SLC17A5: variants seen among roughly 807,000 people sequenced by gnomAD.
SLC17A5 encodes the protein solute carrier family 17 member 5, also known as sialin.
Under a neutral mutation model 59.4 loss-of-function variants are expected in SLC17A5, and 47 were observed. The observed-to-expected ratio is 0.79, with a 90% CI of 0.63 to 1.01. SLC17A5 has a LOEUF of 1.01. Among genes scored for constraint, SLC17A5 ranks in the 50% least tolerant of loss-of-function variants. The pLI is 0.00. For missense variants in SLC17A5, 522 were observed against 595.5 expected (o/e 0.88, Z 1.28); for synonymous variants, 202 against 210.7 (o/e 0.96, Z 0.36).
At chr6:73,603,872 G>T (rs1240554462) in intron 9 of SLC17A5, among the ~76,000 whole-genome samples, 1 of 151,504 alleles carries the variant, frequency 6.6e-6, no homozygotes, top group African/African-American at 2.4e-5. Context: ...GATCCTAGGG[G>T]GTTCATTAGA....
chr6:73,627,320 G>A (rs664920), intron 6 of SLC17A5, among the ~76,000 whole-genome samples: 4 of 151,680 alleles, frequency 2.6e-5, no homozygotes, highest in South Asian at 2.1e-4. Context: ...CGTGATCTGC[G>A]TGCCTCAGCC....
intron 9 of SLC17A5, among the ~76,000 whole-genome samples, chr6:73,607,818 C>T (rs1767463942): frequency 6.7e-6 from 1 of 149,376 alleles, no homozygotes; most frequent in South Asian, 2.1e-4. Context: ...ACTTTGTCAC[C>T]CAGGCTGGAG....
intron 10 of SLC17A5, among the ~76,000 whole-genome samples, chr6:73,596,773 G>A (rs886744910): frequency 1.4e-5 from 2 of 147,222 alleles, no homozygotes; most frequent in African/African-American, 5.0e-5. Flanking sequence ...GGAGAATGGC[G>A]TGAACCTGGG....
At chr6:73,644,311 GTA>G in intron 2 of SLC17A5, 94 bp downstream of exon 2, 1 of 971,896 alleles carries the variant, frequency 1.0e-6, no homozygotes, top group Non-Finnish European at 1.6e-6. Context: ...CACAAACAAA[GTA>G]TAGTTTCTGT....
rs1318709894 is a variant in SLC17A5, at chr6:73,635,510, GA to G, written c.701-11del. Reference sequence around the variant, plus strand: ...AATATTCCAATAGTACCTTAAAATAGAAAAATAATAGTTAGATAAAATTAGA... The same window carrying G: ...AATATTCCAATAGTACCTTAAAATAGAAAATAATAGTTAGATAAAATTAGA... On this transcript the variant is annotated splice_polypyrimidine_tract_variant and intron_variant, in intron 5 of 10. Coordinates refer to ENST00000355773, the MANE Select transcript of SLC17A5 (RefSeq NM_012434.5). The G allele has an allele frequency of 7.7e-7, 1 of 1,307,050 alleles. No individual in the cohort carries two copies. The highest frequency in any genetic ancestry group is 1.1e-6 in the Non-Finnish European group (1 of 918,574). The allele number at this position is 1,307,050 out of a possible 1,614,324, so 81.0% of individuals were successfully genotyped here. A position where few individuals can be genotyped will look rare whatever the true frequency, so the allele number is the denominator to read the frequency against.
At chr6:73,625,667 A>C (rs1561994081) in intron 6 of SLC17A5, among the ~76,000 whole-genome samples, 1 of 151,986 alleles carries the variant, frequency 6.6e-6, no homozygotes. Context: ...AGGCAAAAAA[A>C]CTCTGAGTGT....
chr6:73,597,445 C>G (rs1442357951), intron 10 of SLC17A5, among the ~76,000 whole-genome samples: 2 of 151,564 alleles, frequency 1.3e-5, no homozygotes, highest in African/African-American at 4.9e-5. Flanking sequence ...CCAGCCTGGG[C>G]AACAGAGTGA....
In SLC17A5 at chr6:73,644,452, C is replaced by T. The variant is rs472294; in HGVS notation, c.246G>A (p.Ala82=). Residue 82 remains alanine, a synonymous_variant, in exon 2 of 11, where the codon GCG becomes GCA. Transcript: ENST00000355773. ...TTLEDNRTSK[A]CPEHSAPIKV... ...TTATGGGAGCAGAATGCTCTGGACA[C>T]GCCTTGGAAGTTCTATTATCTTCTA... 132,243 of 1,613,430 alleles carry T rather than the reference C, an allele frequency of 0.082. 6,490 individuals are homozygous for T. The highest frequency in any genetic ancestry group is 0.18 in the Middle Eastern group (1,092 of 6,060).
intron 10 of SLC17A5, among the ~76,000 whole-genome samples, chr6:73,596,380 A>G (rs1343605122): frequency 6.6e-6 from 1 of 152,222 alleles, no homozygotes; most frequent in Non-Finnish European, 1.5e-5. Context: ...CTTGAATGGC[A>G]TACAAAGCAG....
chr6:73,635,460 TA>T lies in SLC17A5; in HGVS notation c.740del (p.Leu247Ter). Reference sequence around the variant, plus strand: ...TGTGTTTTTGTGGTGTGTCACTAACTAACCAGATCCACAAAAGAAACCAAAA... The same window carrying T: ...TGTGTTTTTGTGGTGTGTCACTAACTACCAGATCCACAAAAGAAACCAAAA... Reference protein sequence around the residue: ...GIFWFLLWIWLVSDTPQKHKR... With the variant: ...GIFWFLLWIWXVSDTPQKHKR... On this transcript the variant is annotated frameshift_variant, in exon 6 of 11. Coordinates refer to ENST00000355773, the MANE Select transcript of SLC17A5 (RefSeq NM_012434.5). LOFTEE classifies it high-confidence loss of function. The T allele has an allele frequency of 6.2e-7, 1 of 1,607,384 alleles. No individual in the cohort carries two copies.
At chr6:73,642,929 G>A (rs1195601029) in intron 2 of SLC17A5, among the ~76,000 whole-genome samples, 1 of 152,120 alleles carries the variant, frequency 6.6e-6, no homozygotes, top group Non-Finnish European at 1.5e-5. Context: ...TGTCCCTGAA[G>A]GTCACAGGTT....
chr6:73,615,335 C>T lies in SLC17A5; in HGVS notation c.1091G>A (p.Arg364His), dbSNP rs778124418. 14 of 1,613,828 alleles carry T rather than the reference C, an allele frequency of 8.7e-6. No individual in the cohort carries two copies. The highest frequency in any genetic ancestry group is 1.7e-5 in the Admixed American group (1 of 59,970). The stretch of plus-strand genomic sequence containing the variant: ...CTTACCTATAAGGCTAAAAATTCTG[C>T]GAACACATAAAGTTGAAAAATTCCA... ...AKWNFSTLCV[R>H]RIFSLIGMIG... Residue 364 changes from arginine to histidine, a missense_variant, in exon 8 of 11, where the codon CGC becomes CAC. Physicochemically the swap from Arg to His is conservative, Grantham distance 29 (BLOSUM62 0). This residue lies in a region of SLC17A5 where 153 missense variants were observed against 168.5 expected (regional missense o/e 0.91). Coordinates refer to ENST00000355773, the MANE Select transcript of SLC17A5 (RefSeq NM_012434.5).
chr6:73,617,252 G>C (rs565489998), intron 7 of SLC17A5, among the ~76,000 whole-genome samples: 1 of 151,020 alleles, frequency 6.6e-6, no homozygotes, highest in East Asian at 2.0e-4. Flanking sequence ...GATTGCTCTG[G>C]TGCAGTCAGT....
intron 9 of SLC17A5, among the ~76,000 whole-genome samples, chr6:73,600,964 C>A (rs940661387): frequency 4.6e-5 from 7 of 152,002 alleles, no homozygotes; most frequent in African/African-American, 1.4e-4. Flanking sequence ...CCGGCCGCCA[C>A]CCCGTCTGGG....
rs565686312 is a variant in SLC17A5 at position 73,622,023 on chromosome 6, G to A, written c.820-61C>T. 4.2e-5 allele frequency: 64 copies of A among 1,513,632 alleles called. No homozygotes were observed. In the East Asian group the frequency reaches 1.2e-3, roughly 28 times the overall value. The allele number at this position is 1,513,632 out of a possible 1,614,324, so 93.8% of individuals were successfully genotyped here. ...CTATGTTAATGCTTAGATCTGTACCGTATCAGCTAAAACTCTATCCAGAAT... is the reference window on the plus strand; with the variant it reads ...CTATGTTAATGCTTAGATCTGTACCATATCAGCTAAAACTCTATCCAGAAT... On this transcript the variant is annotated intron_variant, in intron 6 of 10. Transcript: ENST00000355773.
chr6:73,595,021 AGGT>A lies in SLC17A5; in HGVS notation c.*53_*55del. 1.9e-6 allele frequency: 3 copies of A among 1,588,528 alleles called. No homozygotes were observed. Among genetic ancestry groups the A allele is most frequent in the Non-Finnish European group, 2.6e-6 (3 of 1,157,058 alleles). ...CTTACACAATACAGAAGGCACTTTG[AGGT>A]TACATGATAAATAAAAATACATTAA... On this transcript the variant is annotated 3_prime_UTR_variant, in exon 11 of 11. Transcript: ENST00000355773.
chr6:73,653,692 C>T lies in SLC17A5; in HGVS notation c.94+101G>A, dbSNP rs1045375221. On this transcript the variant is annotated intron_variant, in intron 1 of 10. Coordinates refer to ENST00000355773, the MANE Select transcript of SLC17A5 (RefSeq NM_012434.5). ...CCCTCGCGCCTGAGCAGCTCCGGTC[C>T]CGCCGGCGCAGGGTGCGGGTACCCG... The T allele has an allele frequency of 1.0e-5, 13 of 1,266,566 alleles. No individual in the cohort carries two copies. In the African/African-American group the frequency reaches 1.2e-4, roughly 12 times the overall value. The allele number at this position is 1,266,566 out of a possible 1,614,324, so 78.5% of individuals were successfully genotyped here. A position where few individuals can be genotyped will look rare whatever the true frequency, so the allele number is the denominator to read the frequency against.
chr6:73,633,563 A>T (rs1768863097), intron 6 of SLC17A5, among the ~76,000 whole-genome samples: 1 of 151,468 alleles, frequency 6.6e-6, no homozygotes, highest in Non-Finnish European at 1.5e-5. Context: ...CTGCCTGGTT[A>T]TATTGTATAT....
intron 7 of SLC17A5, among the ~76,000 whole-genome samples, chr6:73,620,736 T>C (rs1474434054): frequency 3.3e-5 from 5 of 151,770 alleles, no homozygotes; most frequent in Non-Finnish European, 5.9e-5. Flanking sequence ...TTTTTTTTTT[T>C]CCTGGGACAG....
Sources: gnomAD v4.1 joint callset for allele counts (sites outside exome capture counted in the v4.1 genomes callset) on GRCh38, gnomAD v4.1.1 for gene constraint, gnomAD v4.1.1 regional missense constraint, MANE v1.5 for transcripts, NCBI Gene and HGNC (gene_info 2026-07-23, HGNC 2026-07-21) for gene names.